The following CNTN5 variants were observed in gnomAD, a reference collection of about 807,000 sequenced individuals.
The protein encoded by CNTN5 is contactin-5.
In CNTN5, 77 loss-of-function variants were observed where a neutral mutation model predicts 129.1. The observed-to-expected ratio is 0.60, with a 90% CI of 0.50 to 0.72. CNTN5 has a LOEUF of 0.72. Ranked by LOEUF, CNTN5 falls within the 30% of genes least tolerant of loss-of-function variation. CNTN5 has a pLI of 0.00. For missense variants in CNTN5, 1,478 were observed against 1,328.8 expected (o/e 1.11, Z -1.75); for synonymous variants, 509 against 465.6 (o/e 1.09, Z -1.20).
intron 13 of CNTN5, among the ~76,000 whole-genome samples, chr11:100,096,477 C>T (rs1273089875): frequency 2.6e-5 from 4 of 151,626 alleles, no homozygotes; most frequent in Admixed American, 2.6e-4. Context: ...ACAACTACTT[C>T]ACATCATCCC....
rs151180394 is a variant in CNTN5 at position 99,945,436 on chromosome 11, G to A, written c.674-11370G>A. On this transcript the variant is annotated intron_variant, in intron 7 of 24. Transcript: ENST00000524871. The stretch of plus-strand genomic sequence containing the variant: ...TTTATGAAGTTTTTTTAGAATGACT[G>A]CTAGGATGATTCTGCATAGAAGGTA... 1.9e-3 allele frequency among the ~76,000 whole-genome samples: 281 copies of A among 151,784 alleles called. 2 individuals are homozygous for A. Among genetic ancestry groups the A allele is most frequent in the African/African-American group, 6.6e-3 (274 of 41,416 alleles).
intron 1 of CNTN5, among the ~76,000 whole-genome samples, chr11:99,123,653 G>A (rs1400132520): frequency 8.3e-6 from 1 of 120,398 alleles, no homozygotes; most frequent in Admixed American, 8.2e-5. Context: ...TATCTTCCAG[G>A]GTTTTTTTTT....
At chr11:100,117,296 C>G (rs1322426748) in intron 13 of CNTN5, among the ~76,000 whole-genome samples, 1 of 151,870 alleles carries the variant, frequency 6.6e-6, no homozygotes, top group South Asian at 2.1e-4. Context: ...CTTTGTGACA[C>G]TGATTGAGCC....
chr11:99,990,323 C>T (rs7105019), intron 8 of CNTN5, among the ~76,000 whole-genome samples: 150,855 of 152,130 alleles, frequency 0.99, 74,808 homozygotes, highest in Middle Eastern at 1. Context: ...CAATTTATTC[C>T]TGATGCTTGG....
At chr11:99,806,933 T>A (rs538916237) in intron 3 of CNTN5, among the ~76,000 whole-genome samples, 1 of 152,090 alleles carries the variant, frequency 6.6e-6, no homozygotes, top group Non-Finnish European at 1.5e-5. Context: ...AGTATGCTAT[T>A]ATCAAATTGG....
At chr11:100,325,060 A>G (rs1468336723) in intron 21 of CNTN5, among the ~76,000 whole-genome samples, 3 of 152,140 alleles carry the variant, frequency 2.0e-5, no homozygotes, top group African/African-American at 7.2e-5. Flanking sequence ...ACTGGAGATG[A>G]ACTAAATTGA....
At chr11:99,559,920 C>T (rs1427996721) in intron 3 of CNTN5, among the ~76,000 whole-genome samples, 5 of 151,964 alleles carry the variant, frequency 3.3e-5, no homozygotes, top group Non-Finnish European at 7.4e-5. Context: ...ATTCTATATA[C>T]AAATGGCTAA....
At chr11:99,975,075 C>G (rs920071856) in intron 8 of CNTN5, among the ~76,000 whole-genome samples, 4 of 152,172 alleles carry the variant, frequency 2.6e-5, no homozygotes, top group African/African-American at 9.7e-5. Flanking sequence ...CGGCCATTGC[C>G]GCAGGCCCTT....
At chr11:99,421,507 T>C (rs964592564) in intron 2 of CNTN5, among the ~76,000 whole-genome samples, 1 of 152,190 alleles carries the variant, frequency 6.6e-6, no homozygotes, top group African/African-American at 2.4e-5. Flanking sequence ...AACTCCCCAA[T>C]TGAAACTAAT....
At chr11:100,187,156 T>TGG (rs200477919) in intron 13 of CNTN5, among the ~76,000 whole-genome samples, 3 of 151,818 alleles carry the variant, frequency 2.0e-5, no homozygotes, top group Admixed American at 2.0e-4. Flanking sequence ...TTTTTGCAGC[T>TGG]ATTGTAAATG....
intron 15 of CNTN5, among the ~76,000 whole-genome samples, chr11:100,208,617 T>C (rs1001079511): frequency 2.6e-5 from 4 of 152,132 alleles, no homozygotes; most frequent in Non-Finnish European, 4.4e-5. Context: ...CCACCTCTGG[T>C]TGGGAAGAAC....
At position 99,027,784 on chromosome 11, in the gene CNTN5, T is replaced by C. The variant is rs1183736011; in HGVS notation, c.-210+6514T>C. Among the ~76,000 whole-genome samples the C allele has an allele frequency of 3.3e-5, 5 of 151,818 alleles. No homozygotes were observed. The South Asian group carries it at 6.2e-4, about 19-fold the overall frequency. On this transcript the variant is annotated intron_variant, in intron 1 of 24. Transcript: ENST00000524871. ...CAGATGCCTTCTCCTGATGCTTTAA[T>C]TGACAAATTATGACAAGCAATTTAT...
chr11:99,805,426 C>T (rs571453684), intron 3 of CNTN5, among the ~76,000 whole-genome samples: 1 of 152,192 alleles, frequency 6.6e-6, no homozygotes, highest in South Asian at 2.1e-4. Flanking sequence ...GTCTATAAAC[C>T]TTTGTTTATA....
intron 3 of CNTN5, among the ~76,000 whole-genome samples, chr11:99,754,990 A>G (rs1215963014): frequency 2.6e-5 from 4 of 152,174 alleles, no homozygotes; most frequent in Admixed American, 6.6e-5. Flanking sequence ...CTTTTCCAGA[A>G]TGTATTATAG....
intron 1 of CNTN5, among the ~76,000 whole-genome samples, chr11:99,043,531 A>G (rs1864090970): frequency 6.6e-6 from 1 of 152,194 alleles, no homozygotes. Flanking sequence ...TAATTGAGGA[A>G]TGGCTATTTG....
At chr11:99,463,460 C>T (rs767412832) in intron 2 of CNTN5, among the ~76,000 whole-genome samples, 1 of 69,032 alleles carries the variant, frequency 1.4e-5, no homozygotes, top group African/African-American at 5.1e-5. Context: ...AAAAAAAAAA[C>T]AATAGAAGAA....
At chr11:99,435,963 G>A (rs149926708) in intron 2 of CNTN5, among the ~76,000 whole-genome samples, 2 of 152,262 alleles carry the variant, frequency 1.3e-5, no homozygotes, top group African/African-American at 4.8e-5. Context: ...TTTTAAAAAG[G>A]TCGTATTCAA....
chr11:99,675,971 A>G (rs12365643), intron 3 of CNTN5, among the ~76,000 whole-genome samples: 17,996 of 151,986 alleles, frequency 0.12, 1,094 homozygotes, highest in Admixed American at 0.16. Context: ...CTCTATAGAT[A>G]TTATGATTTT....
At chr11:99,917,735 C>T (rs576057980) in intron 7 of CNTN5, among the ~76,000 whole-genome samples, 8 of 152,074 alleles carry the variant, frequency 5.3e-5, no homozygotes, top group South Asian at 2.1e-4. Flanking sequence ...GTCAAAACTT[C>T]GGGATTACAC....
Sources: allele counts gnomAD v4.1 joint callset (sites outside exome capture counted in the v4.1 genomes callset), GRCh38; gene constraint gnomAD v4.1.1; transcripts MANE v1.5; gene names NCBI Gene and HGNC (gene_info 2026-07-23, HGNC 2026-07-21).